MSRA: variants seen among roughly 807,000 people sequenced by gnomAD.
MSRA encodes methionine sulfoxide reductase A.
In MSRA, 54 loss-of-function variants were observed where a neutral mutation model predicts 31.3. The ratio of observed to expected loss-of-function variants is 1.73; its 90% CI spans 1.39 to 2.17. The LOEUF (loss-of-function observed/expected upper bound fraction) is 2.17, where lower values mean the gene tolerates loss of function less well. Ranked by LOEUF, MSRA falls within the 30% of genes most tolerant of loss-of-function variation. The pLI, the probability that MSRA is intolerant of heterozygous loss-of-function variation, is 0.00. For synonymous variants in MSRA, 169 were observed against 116.5 expected (o/e 1.45, Z -2.90); for missense variants, 507 against 300.9 (o/e 1.69, Z -5.07).
chr8:10,299,291 A>G (rs1160580552), intron 3 of MSRA, among the ~76,000 whole-genome samples: 9 of 152,136 alleles, frequency 5.9e-5, no homozygotes, highest in Non-Finnish European at 1.0e-4. Context: ...TATGTCTGTC[A>G]TGTTGATAAC....
chr8:10,173,392 G>T (rs11787370), intron 1 of MSRA, among the ~76,000 whole-genome samples: 43,839 of 152,144 alleles, frequency 0.29, 7,012 homozygotes, highest in East Asian at 0.53. Context: ...AATCGAAACG[G>T]CTTGGCGTCA....
At chr8:10,343,042 C>G (rs915367661) in intron 5 of MSRA, among the ~76,000 whole-genome samples, 8 of 109,558 alleles carry the variant, frequency 7.3e-5, no homozygotes, top group Non-Finnish European at 1.2e-4. Flanking sequence ...CACACACACA[C>G]ACACACACAC....
chr8:10,180,620 C>T (rs1308570459), intron 1 of MSRA, among the ~76,000 whole-genome samples: 3 of 152,168 alleles, frequency 2.0e-5, no homozygotes, highest in Non-Finnish European at 4.4e-5. Context: ...TAACAAGATG[C>T]TCCCCTTACC....
At chr8:10,360,017 T>C (rs549547477) in intron 5 of MSRA, among the ~76,000 whole-genome samples, 57 of 152,292 alleles carry the variant, frequency 3.7e-4, no homozygotes, top group South Asian at 6.2e-4. Context: ...CTGCTCAATT[T>C]TGATTCCACT....
chr8:10,061,385 C>G (rs915498748), intron 1 of MSRA, among the ~76,000 whole-genome samples: 1 of 152,116 alleles, frequency 6.6e-6, no homozygotes, highest in Non-Finnish European at 1.5e-5. Context: ...TGCTCTAATT[C>G]CCCTTCTCCC....
At chr8:10,235,850 T>G (rs2952244) in intron 2 of MSRA, among the ~76,000 whole-genome samples, 16 of 152,128 alleles carry the variant, frequency 1.1e-4, no homozygotes, top group African/African-American at 3.9e-4. Context: ...GACAAGGACA[T>G]TATAAGAAAA....
chr8:10,306,854 G>T (rs1801167269), intron 4 of MSRA, among the ~76,000 whole-genome samples: 1 of 152,128 alleles, frequency 6.6e-6, no homozygotes, highest in African/African-American at 2.4e-5. Context: ...TTTCTCAGTT[G>T]CAACCCATCT....
At chr8:10,055,962 T>C (rs1367138069) in intron 1 of MSRA, among the ~76,000 whole-genome samples, 9 of 152,254 alleles carry the variant, frequency 5.9e-5, no homozygotes, top group African/African-American at 2.2e-4. Flanking sequence ...AATGCAGAGA[T>C]TGAGTTTTGA....
rs1341271587 is a variant in MSRA at position 10,207,806 on chromosome 8, C to T, written c.143-27C>T. On this transcript the variant is annotated intron_variant, in intron 1 of 5. Coordinates refer to ENST00000317173, the MANE Select transcript of MSRA (RefSeq NM_012331.5). The stretch of plus-strand genomic sequence containing the variant: ...TATGTGTTAGAACTTTACACTTAAA[C>T]TTGCATTTCTTTTTTTTTTTTTCTA... 1.9e-6 allele frequency: 3 copies of T among 1,581,200 alleles called. No homozygotes were observed. In the Admixed American group the frequency reaches 5.2e-5, roughly 27 times the overall value.
chr8:10,248,825 C>T (rs771117868), intron 3 of MSRA, among the ~76,000 whole-genome samples: 7 of 152,262 alleles, frequency 4.6e-5, no homozygotes, highest in South Asian at 2.1e-4. Context: ...ACCCGACATG[C>T]GTAGAGAATA....
chr8:10,150,747 C>T (rs181203767), intron 1 of MSRA, among the ~76,000 whole-genome samples: 14 of 152,256 alleles, frequency 9.2e-5, no homozygotes, highest in African/African-American at 2.4e-4. Flanking sequence ...TGTTCTTTCC[C>T]GTGTGTGACA....
chr8:10,301,347 C>T (rs1015526496), intron 3 of MSRA, among the ~76,000 whole-genome samples, 187 bp from the exon 4 acceptor site: 21 of 152,094 alleles, frequency 1.4e-4, no homozygotes, highest in Non-Finnish European at 2.9e-4. Flanking sequence ...GAACTGTATG[C>T]TTTTATGGAA....
chr8:10,193,404 C>T lies in MSRA; in HGVS notation c.143-14429C>T, dbSNP rs143521668. 9.4e-3 allele frequency among the ~76,000 whole-genome samples: 1,425 copies of T among 152,282 alleles called. 13 individuals carry two copies. The highest frequency in any genetic ancestry group is 0.017 in the Middle Eastern group (5 of 294). ...CTGTGTTTGATATTTTCAGACACTG[C>T]GGTAATTTTATTCAGCAAAGCTCCA... On this transcript the variant is annotated intron_variant, in intron 1 of 5. Coordinates refer to ENST00000317173, the MANE Select transcript of MSRA (RefSeq NM_012331.5).
intron 3 of MSRA, among the ~76,000 whole-genome samples, chr8:10,275,462 A>C (rs1017102045): frequency 5.3e-5 from 8 of 152,252 alleles, no homozygotes; most frequent in African/African-American, 1.9e-4. Context: ...AAAGAATTGG[A>C]GTTGTGAAAC....
chr8:10,173,479 G>C (rs1210990795), intron 1 of MSRA, among the ~76,000 whole-genome samples: 1 of 152,226 alleles, frequency 6.6e-6, no homozygotes, highest in Non-Finnish European at 1.5e-5. Context: ...ACTGGGCCAA[G>C]TCTTCTTTCC....
chr8:10,232,648 T>C (rs926667450), intron 2 of MSRA, among the ~76,000 whole-genome samples: 1 of 152,230 alleles, frequency 6.6e-6, no homozygotes, highest in Non-Finnish European at 1.5e-5. Flanking sequence ...AGGTTCTTCC[T>C]GAAGATTTCA....
At chr8:10,401,083 C>T (rs1284922324) in intron 5 of MSRA, among the ~76,000 whole-genome samples, 4 of 133,618 alleles carry the variant, frequency 3.0e-5, no homozygotes, top group African/African-American at 1.1e-4. Context: ...TTTTACACAT[C>T]AGTGGACACT....
At chr8:10,206,294 C>T (rs1402520473) in intron 1 of MSRA, among the ~76,000 whole-genome samples, 1 of 152,182 alleles carries the variant, frequency 6.6e-6, no homozygotes, top group Admixed American at 6.5e-5. Context: ...CAGCTGGGAC[C>T]TTCCATCACA....
At chr8:10,335,170 G>A (rs1291868259) in intron 5 of MSRA, among the ~76,000 whole-genome samples, 1 of 151,706 alleles carries the variant, frequency 6.6e-6, no homozygotes, top group Non-Finnish European at 1.5e-5. Context: ...CATGGAATGG[G>A]AAGCAGGTGA....
Sources: gnomAD v4.1 joint callset for allele counts (sites outside exome capture counted in the v4.1 genomes callset) on GRCh38, gnomAD v4.1.1 for gene constraint, MANE v1.5 for transcripts, NCBI Gene and HGNC (gene_info 2026-07-23, HGNC 2026-07-21) for gene names.